The following CSMD1 variants were observed in gnomAD, a reference collection of about 807,000 sequenced individuals.
CSMD1 encodes CUB and sushi domain-containing protein 1.
Under a neutral mutation model 417.5 loss-of-function variants are expected in CSMD1, and 213 were observed. That is an observed-to-expected ratio of 0.51 (90% CI 0.46 to 0.57). The LOEUF (loss-of-function observed/expected upper bound fraction) is 0.57, where lower values mean the gene tolerates loss of function less well. Ranked by LOEUF, CSMD1 falls within the 20% of genes least tolerant of loss-of-function variation. The probability of loss-of-function intolerance (pLI) is 0.00; values close to 1 mark genes in which losing one functional copy is unlikely to be tolerated. For missense variants in CSMD1, 6,923 were observed against 4,529.7 expected (o/e 1.53, Z -15.17); for synonymous variants, 2,862 against 1,736.8 (o/e 1.65, Z -16.11).
chr8:3,570,489 A>C (rs937700469), intron 10 of CSMD1, among the ~76,000 whole-genome samples: 1 of 152,180 alleles, frequency 6.6e-6, no homozygotes, highest in African/African-American at 2.4e-5. Flanking sequence ...AACATGACCA[A>C]ATCGGGAACT....
intron 5 of CSMD1, among the ~76,000 whole-genome samples, chr8:3,833,451 C>A (rs550772542): frequency 5.3e-5 from 8 of 152,138 alleles, no homozygotes; most frequent in South Asian, 2.1e-4. Flanking sequence ...TGACAGTTTA[C>A]AAATCATTTA....
rs1803149784 is a variant in CSMD1, at chr8:4,132,189, T to G, written c.416-100090A>C. On this transcript the variant is annotated intron_variant, in intron 3 of 69. Coordinates refer to ENST00000635120, the MANE Select transcript of CSMD1 (RefSeq NM_033225.6). ...TTGTTTATGCGGGTAAAATTTGTCA[T>G]GGATTTTTTTTTTTTTTTTTTTTTT... Among the ~76,000 whole-genome samples, 3 of 129,280 alleles carry G rather than the reference T, an allele frequency of 2.3e-5. No homozygotes were observed. The South Asian group carries it at 7.9e-4, about 34-fold the overall frequency. The allele number at this position is 129,280 out of a possible 152,430, so 84.8% of individuals were successfully genotyped here.
chr8:4,867,241 G>C lies in CSMD1; in HGVS notation c.85+127091C>G, dbSNP rs181306311. ...GCTAAGAAAGCTGGAGTGTTTGGGG[G>C]TTGTTAAATATGCAAATTGATAAAC... On this transcript the variant is annotated intron_variant, in intron 1 of 69. Coordinates refer to ENST00000635120, the MANE Select transcript of CSMD1 (RefSeq NM_033225.6). Among the ~76,000 whole-genome samples the C allele has an allele frequency of 2.4e-3, 358 of 152,076 alleles. 7 individuals are homozygous for C. Among genetic ancestry groups the C allele is most frequent in the African/African-American group, 8.4e-3 (349 of 41,444 alleles).
At chr8:3,268,990 TAGG>T (rs1801642170) in intron 26 of CSMD1, among the ~76,000 whole-genome samples, 3 of 152,322 alleles carry the variant, frequency 2.0e-5, no homozygotes, top group Admixed American at 1.3e-4. Context: ...TCCTCAAGAA[TAGG>T]AGAAGTGCCA....
intron 7 of CSMD1, among the ~76,000 whole-genome samples, chr8:3,630,714 G>C (rs1432264512): frequency 2.9e-5 from 4 of 138,642 alleles, no homozygotes; most frequent in African/African-American, 8.4e-5. Flanking sequence ...CAAGAATTGA[G>C]GGAAATGGAG....
chr8:3,002,164 T>C (rs1807459738), intron 52 of CSMD1, among the ~76,000 whole-genome samples: 1 of 152,182 alleles, frequency 6.6e-6, no homozygotes, highest in Non-Finnish European at 1.5e-5. Context: ...CACTCCCACA[T>C]ATGAGACTTG....
At chr8:3,359,440 A>AC in intron 20 of CSMD1, 100 bp from the exon 21 acceptor site, 1 of 920,602 alleles carries the variant, frequency 1.1e-6, no homozygotes, top group Non-Finnish European at 1.6e-6. Flanking sequence ...AAAAAAAAAA[A>AC]AAACCTACAT....
chr8:3,004,699 C>A (rs1426240872), intron 52 of CSMD1, among the ~76,000 whole-genome samples: 1 of 152,152 alleles, frequency 6.6e-6, no homozygotes, highest in Non-Finnish European at 1.5e-5. Flanking sequence ...TTCATTTTCT[C>A]CATGCTGAGA....
rs138127531 is a variant in CSMD1 at position 3,772,410 on chromosome 8, T to C, written c.819-18368A>G. Among the ~76,000 whole-genome samples, 186 of 79,328 alleles carry C rather than the reference T, an allele frequency of 2.3e-3. 30 individuals are homozygous for C. Among genetic ancestry groups the C allele is most frequent in the African/African-American group, 0.012 (150 of 12,762 alleles). The allele number at this position is 79,328 out of a possible 152,430, so 52.0% of individuals were successfully genotyped here. A position where few individuals can be genotyped will look rare whatever the true frequency, so the allele number is the denominator to read the frequency against. On this transcript the variant is annotated intron_variant, in intron 5 of 69. Coordinates refer to ENST00000635120, the MANE Select transcript of CSMD1 (RefSeq NM_033225.6). ...ATTTATATATACACATATATACATA[T>C]ATTTATATATACACATATATACATA... is the stretch of plus-strand genomic sequence containing the variant.
At chr8:3,280,571 G>T (rs74857944) in intron 26 of CSMD1, among the ~76,000 whole-genome samples, 6,603 of 152,212 alleles carry the variant, frequency 0.043, 206 homozygotes, top group East Asian at 0.13. Context: ...CCAGAATTTG[G>T]ATTTATTAAC....
chr8:4,361,722 G>A (rs982324624), intron 3 of CSMD1, among the ~76,000 whole-genome samples: 3 of 151,674 alleles, frequency 2.0e-5, no homozygotes, highest in African/African-American at 4.8e-5. Context: ...TTGGGAGGCC[G>A]AAGTGGGCGG....
At chr8:3,385,569 G>C (rs920343178) in intron 18 of CSMD1, among the ~76,000 whole-genome samples, 9 of 152,052 alleles carry the variant, frequency 5.9e-5, no homozygotes, top group African/African-American at 2.4e-5. Flanking sequence ...AAACCAAGGA[G>C]TATATCCTGT....
intron 2 of CSMD1, among the ~76,000 whole-genome samples, chr8:4,443,048 T>C (rs956146225): frequency 1.3e-5 from 2 of 152,202 alleles, no homozygotes; most frequent in East Asian, 1.9e-4. Context: ...TAATTGTGAA[T>C]ATACAATTAT....
chr8:3,347,823 C>G (rs377028269), intron 22 of CSMD1, among the ~76,000 whole-genome samples, 169 bp downstream of exon 22: 1 of 152,018 alleles, frequency 6.6e-6, no homozygotes, highest in African/African-American at 2.4e-5. Context: ...CTGCTCTAAG[C>G]GAAGTGACAT....
At chr8:4,699,773 A>C (rs1285763408) in intron 1 of CSMD1, among the ~76,000 whole-genome samples, 1 of 152,234 alleles carries the variant, frequency 6.6e-6, no homozygotes, top group Non-Finnish European at 1.5e-5. Context: ...TTAGTTTGTC[A>C]GGAAAGGATA....
At chr8:3,423,902 G>A (rs1813657449) in intron 12 of CSMD1, among the ~76,000 whole-genome samples, 1 of 152,012 alleles carries the variant, frequency 6.6e-6, no homozygotes, top group Non-Finnish European at 1.5e-5. Context: ...ACAAATTAAT[G>A]GCGACCCTCA....
intron 25 of CSMD1, among the ~76,000 whole-genome samples, chr8:3,289,748 T>C (rs1391870292): frequency 6.8e-6 from 1 of 147,372 alleles, no homozygotes; most frequent in Non-Finnish European, 1.5e-5. Flanking sequence ...ATGAGGAGGT[T>C]GCAATAATTT....
At chr8:4,101,666 G>C (rs1490012590) in intron 3 of CSMD1, among the ~76,000 whole-genome samples, 2 of 152,156 alleles carry the variant, frequency 1.3e-5, no homozygotes, top group Non-Finnish European at 2.9e-5. Context: ...ATAGAATGTT[G>C]AATTTATGAA....
At chr8:4,089,429 C>G (rs147425397) in intron 3 of CSMD1, among the ~76,000 whole-genome samples, 1 of 152,094 alleles carries the variant, frequency 6.6e-6, no homozygotes, top group Non-Finnish European at 1.5e-5. Context: ...CATTCTGTGT[C>G]ATTATTTTTC....
Sources: gnomAD v4.1 joint callset for allele counts (sites outside exome capture counted in the v4.1 genomes callset) on GRCh38, gnomAD v4.1.1 for gene constraint, MANE v1.5 for transcripts, NCBI Gene and HGNC (gene_info 2026-07-23, HGNC 2026-07-21) for gene names.